The following DCAF6 variants were observed in gnomAD, a reference collection of about 807,000 sequenced individuals.
DCAF6 encodes the protein DDB1 and CUL4 associated factor 6, also known as DDB1- and CUL4-associated factor 6.
DCAF6 carries 54 observed loss-of-function variants against 125.1 expected under a neutral mutation model. The observed-to-expected ratio is 0.43, with a 90% CI of 0.35 to 0.54. DCAF6 has a LOEUF of 0.54. Among genes scored for constraint, DCAF6 ranks in the 20% least tolerant of loss-of-function variants. DCAF6 has a pLI of 0.01. For missense variants in DCAF6, 934 were observed against 1,161.7 expected, an observed-to-expected ratio of 0.80 and a Z score of 2.85; for synonymous variants, 371 against 390.4, an observed-to-expected ratio of 0.95 and a Z score of 0.58.
At chr1:168,007,732 C>G (rs186795464) in intron 10 of DCAF6, among the ~76,000 whole-genome samples, 1 of 152,108 alleles carries the variant, frequency 6.6e-6, no homozygotes, top group Admixed American at 6.5e-5. Context: ...GTTCTATCTC[C>G]TTCTGAATAT....
intron 2 of DCAF6, among the ~76,000 whole-genome samples, chr1:167,960,359 C>T (rs1463050196): frequency 2.6e-5 from 4 of 151,928 alleles, no homozygotes; most frequent in Non-Finnish European, 5.9e-5. Context: ...AGTGCAATGG[C>T]GCGATCTCAG....
chr1:167,941,610 G>C (rs1387030294), intron 1 of DCAF6, among the ~76,000 whole-genome samples: 5 of 152,098 alleles, frequency 3.3e-5, no homozygotes, highest in Non-Finnish European at 7.3e-5. Flanking sequence ...TGAACTGGTA[G>C]AGTACGCACT....
At chr1:167,963,121 A>G (rs1012026281) in intron 2 of DCAF6, among the ~76,000 whole-genome samples, 31 of 151,872 alleles carry the variant, frequency 2.0e-4, no homozygotes, top group African/African-American at 7.5e-4. Context: ...TTAGCCAAGC[A>G]TAGTGGCTGG....
chr1:167,993,152 C>G, intron 6 of DCAF6, 74 bp from the exon 7 acceptor site: 2 of 1,261,430 alleles, frequency 1.6e-6, no homozygotes, highest in Non-Finnish European at 2.2e-6. Context: ...TGTAATAATT[C>G]AGATTAAGAG....
chr1:167,941,335 G>T (rs1571569322), intron 1 of DCAF6, among the ~76,000 whole-genome samples: 2 of 152,126 alleles, frequency 1.3e-5, no homozygotes, highest in African/African-American at 4.8e-5. Context: ...GCTCTACTGT[G>T]GGTTTCATTG....
chr1:167,929,562 TAAAC>T, the DCAF6 span, among the ~76,000 whole-genome samples: 2 of 152,204 alleles, frequency 1.3e-5, no homozygotes, highest in East Asian at 3.8e-4. Flanking sequence ...AATTTTCAAA[TAAAC>T]AAATTTAGTT....
chr1:168,010,218 A>G (rs1684089433), intron 10 of DCAF6, among the ~76,000 whole-genome samples: 2 of 152,204 alleles, frequency 1.3e-5, no homozygotes, highest in South Asian at 4.1e-4. Flanking sequence ...TGTTCTGAAG[A>G]CATTTTAAGG....
chr1:168,028,581 A>G (rs74665461), intron 12 of DCAF6, among the ~76,000 whole-genome samples: 43 of 152,288 alleles, frequency 2.8e-4, no homozygotes, highest in Admixed American at 4.6e-4. Context: ...ATTTTCCACT[A>G]TGTATCATTT....
chr1:167,988,301 C>T (rs951850224), intron 5 of DCAF6, among the ~76,000 whole-genome samples: 8 of 151,980 alleles, frequency 5.3e-5, no homozygotes, highest in African/African-American at 1.5e-4. Flanking sequence ...GCTGGGACTA[C>T]GGGTGTGTGC....
In DCAF6 at chr1:168,000,359, G is replaced by C. The variant is rs77831531; in HGVS notation, c.904-2123G>C. On this transcript the variant is annotated intron_variant, in intron 7 of 21. Coordinates refer to ENST00000367840, the MANE Select transcript of DCAF6 (RefSeq NM_001198956.2). ...GAAATGTGACACAAACATAAAATGA[G>C]CACATGCTATTGGAAAAAATAGCAC... 4.6e-3 allele frequency among the ~76,000 whole-genome samples: 694 copies of C among 152,208 alleles called. 8 individuals carry two copies. The East Asian group carries it at 0.058, about 13-fold the overall frequency.
chr1:168,065,467 T>C (rs1692204144), intron 18 of DCAF6, 123 bp from the exon 19 acceptor site: 1 of 828,036 alleles, frequency 1.2e-6, no homozygotes, highest in Admixed American at 2.9e-5. Flanking sequence ...AATTTTACTA[T>C]TTTCTAAGCC....
At chr1:168,051,549 T>G (rs1258024320) in intron 17 of DCAF6, among the ~76,000 whole-genome samples, 1 of 152,202 alleles carries the variant, frequency 6.6e-6, no homozygotes, top group Non-Finnish European at 1.5e-5. Context: ...GCTGACAAAA[T>G]CAACCTTGTA....
chr1:168,058,303 GT>G, intron 17 of DCAF6, among the ~76,000 whole-genome samples: 1 of 152,248 alleles, frequency 6.6e-6, no homozygotes, highest in South Asian at 2.1e-4. Context: ...CCTGATAACA[GT>G]TTTTCTTGCG....
intron 2 of DCAF6, among the ~76,000 whole-genome samples, chr1:167,954,833 T>G (rs1265894199): frequency 6.6e-6 from 1 of 152,214 alleles, no homozygotes; most frequent in African/African-American, 2.4e-5. Flanking sequence ...GTTTAACACA[T>G]GTAAACATAC....
the DCAF6 span, among the ~76,000 whole-genome samples, chr1:167,876,257 CA>C: frequency 0.058 from 4,932 of 85,096 alleles, 236 homozygotes; most frequent in African/African-American, 0.18. Context: ...AGCTCCATCT[CA>C]AAAAAAAAAA....
At chr1:168,002,662 T>C in intron 8 of DCAF6, 87 bp downstream of exon 8, 1 of 1,029,308 alleles carries the variant, frequency 9.7e-7, no homozygotes, top group Non-Finnish European at 1.4e-6. Context: ...TTATAAATTA[T>C]TCTGTAATGA....
chr1:167,882,598 G>C, the DCAF6 span, among the ~76,000 whole-genome samples: 3 of 152,080 alleles, frequency 2.0e-5, no homozygotes, highest in Non-Finnish European at 2.9e-5. Context: ...ATGGCAAGTG[G>C]GCTTTCTTGG....
At chr1:167,912,705 C>G in the DCAF6 span, among the ~76,000 whole-genome samples, 1 of 152,210 alleles carries the variant, frequency 6.6e-6, no homozygotes, top group East Asian at 1.9e-4. Context: ...TTAAACTCTC[C>G]GATCCTTAAA....
rs548742321 is a variant in DCAF6 at position 168,009,370 on chromosome 1, C to T, written c.1378+4577C>T. On this transcript the variant is annotated intron_variant, in intron 10 of 21. Transcript: ENST00000367840. Reference sequence around the variant, plus strand: ...CCCTTCCTTCCTTCCTTCCTTCCTTCCTTCCTTCCTTCCTTCCTTTCTTTC... The same window carrying T: ...CCCTTCCTTCCTTCCTTCCTTCCTTTCTTCCTTCCTTCCTTCCTTTCTTTC... 2.6e-4 allele frequency among the ~76,000 whole-genome samples: 37 copies of T among 140,316 alleles called. No individual in the cohort carries two copies. The South Asian group carries it at 8.3e-3, about 32-fold the overall frequency. 92.1% of individuals were successfully genotyped at this position (140,316 alleles called of 152,430 possible). A position where few individuals can be genotyped will look rare whatever the true frequency, so the allele number is the denominator to read the frequency against.
Sources: gnomAD v4.1 joint callset for allele counts (sites outside exome capture counted in the v4.1 genomes callset) on GRCh38, gnomAD v4.1.1 for gene constraint, MANE v1.5 for transcripts, NCBI Gene and HGNC (gene_info 2026-07-23, HGNC 2026-07-21) for gene names.